The following RASGEF1C variants were observed in gnomAD, a reference collection of about 807,000 sequenced individuals.
RASGEF1C encodes the protein ras-GEF domain-containing family member 1C.
In RASGEF1C, 27 loss-of-function variants were observed where a neutral mutation model predicts 58.1. The ratio of observed to expected loss-of-function variants is 0.46; its 90% CI spans 0.34 to 0.64. The LOEUF (loss-of-function observed/expected upper bound fraction) is 0.64, where lower values mean the gene tolerates loss of function less well. Among genes scored for constraint, RASGEF1C ranks in the 30% least tolerant of loss-of-function variants. RASGEF1C has a pLI of 0.01. For missense variants in RASGEF1C, 502 were observed against 605.1 expected (o/e 0.83, Z 1.79); for synonymous variants, 243 against 246.3 (o/e 0.99, Z 0.13).
At chr5:180,118,583 C>G (rs773614037) in intron 10 of RASGEF1C, 26 bp downstream of exon 10, 3 of 1,578,748 alleles carry the variant, frequency 1.9e-6, no homozygotes, top group African/African-American at 1.4e-5. Context: ...CTGCAGCCCC[C>G]CTGGGCCAAC....
intron 5 of RASGEF1C, 51 bp from the exon 6 acceptor site, chr5:180,127,734 G>A: frequency 6.4e-7 from 1 of 1,562,498 alleles, no homozygotes; most frequent in Non-Finnish European, 8.7e-7. Context: ...TGGGGAGGGG[G>A]TGTCCACTGG....
intron 6 of RASGEF1C, among the ~76,000 whole-genome samples, chr5:180,124,127 G>A (rs1766217874): frequency 6.6e-6 from 1 of 152,016 alleles, no homozygotes; most frequent in Admixed American, 6.6e-5. Context: ...AAATACTCGG[G>A]AGGCTGAGGC....
chr5:180,115,662 T>A, intron 10 of RASGEF1C, among the ~76,000 whole-genome samples: 1 of 152,358 alleles, frequency 6.6e-6, no homozygotes, highest in African/African-American at 2.4e-5. Flanking sequence ...CTGGGCTATA[T>A]ACAGGGTTAC....
intron 1 of RASGEF1C, among the ~76,000 whole-genome samples, chr5:180,173,666 G>T (rs985332505): frequency 6.6e-6 from 1 of 151,878 alleles, no homozygotes; most frequent in Non-Finnish European, 1.5e-5. Flanking sequence ...TGTAGTCCCA[G>T]CACTTTGGGA....
intron 1 of RASGEF1C, among the ~76,000 whole-genome samples, chr5:180,196,763 A>G (rs1368169646): frequency 1.3e-5 from 2 of 152,114 alleles, no homozygotes; most frequent in East Asian, 3.9e-4. Flanking sequence ...TTGCTTGGTC[A>G]TGCTGGCGGG....
chr5:180,102,455 ACT>A (rs1246649126), intron 12 of RASGEF1C, among the ~76,000 whole-genome samples: 1 of 151,916 alleles, frequency 6.6e-6, no homozygotes, highest in African/African-American at 2.4e-5. Flanking sequence ...GGAATAAGAA[ACT>A]CTTTATCTAG....
intron 1 of RASGEF1C, among the ~76,000 whole-genome samples, chr5:180,142,473 C>T (rs1228775282): frequency 6.6e-6 from 1 of 152,086 alleles, no homozygotes; most frequent in Non-Finnish European, 1.5e-5. Flanking sequence ...GAAATGTATC[C>T]TGAGAAAATA....
At chr5:180,109,624 C>T (rs1765927793) in intron 12 of RASGEF1C, among the ~76,000 whole-genome samples, 2 of 151,940 alleles carry the variant, frequency 1.3e-5, no homozygotes, top group Non-Finnish European at 2.9e-5. Flanking sequence ...TATGTGGGGG[C>T]CCTAAATGCA....
At chr5:180,207,383 C>T (rs1331587322) in intron 1 of RASGEF1C, among the ~76,000 whole-genome samples, 3 of 152,230 alleles carry the variant, frequency 2.0e-5, no homozygotes, top group African/African-American at 7.2e-5. Context: ...GGCGAGTGCA[C>T]GCCCCACACT....
chr5:180,208,350 C>T (rs1425410121), intron 1 of RASGEF1C, among the ~76,000 whole-genome samples: 19 of 152,130 alleles, frequency 1.2e-4, no homozygotes, highest in Non-Finnish European at 2.5e-4. Flanking sequence ...CCCACAGTTT[C>T]CCACGCCCAC....
intron 10 of RASGEF1C, 33 bp from the exon 11 acceptor site, chr5:180,114,574 C>T (rs759083394): frequency 2.5e-5 from 40 of 1,587,042 alleles, no homozygotes; most frequent in East Asian, 1.6e-4. Flanking sequence ...CGGCCCCAGC[C>T]GGCCCTCCAC....
chr5:180,121,675 A>C (rs1409265261), intron 6 of RASGEF1C, among the ~76,000 whole-genome samples: 3 of 32,072 alleles, frequency 9.4e-5, no homozygotes, highest in African/African-American at 2.5e-4. Flanking sequence ...ACACACACAC[A>C]CACACACCCT....
At chr5:180,123,992 CTAAA>C (rs1766215892) in intron 6 of RASGEF1C, among the ~76,000 whole-genome samples, 1 of 151,892 alleles carries the variant, frequency 6.6e-6, no homozygotes, top group Non-Finnish European at 1.5e-5. Context: ...ACAAAACAGA[CTAAA>C]GAAGAAACAT....
intron 1 of RASGEF1C, among the ~76,000 whole-genome samples, chr5:180,150,404 C>G (rs1404018270): frequency 6.6e-6 from 1 of 152,030 alleles, no homozygotes; most frequent in Non-Finnish European, 1.5e-5. Flanking sequence ...CTTATTTTTC[C>G]TTCAAATGAT....
In RASGEF1C at chr5:180,202,849, C is replaced by T. The variant is rs1756418920; in HGVS notation, c.-7+6179G>A. 2.0e-5 allele frequency among the ~76,000 whole-genome samples: 3 copies of T among 152,034 alleles called. No individual in the cohort carries two copies. The South Asian group carries it at 6.3e-4, about 32-fold the overall frequency. On this transcript the variant is annotated intron_variant, in intron 1 of 13. Transcript: ENST00000361132. ...TCCCGACTAGCTGGGATTACAGGTG[C>T]CCGCCACCACGCCGGGCTAATTTTT... is the stretch of plus-strand genomic sequence containing the variant.
chr5:180,122,478 C>T (rs571139358), intron 6 of RASGEF1C, among the ~76,000 whole-genome samples: 11 of 152,156 alleles, frequency 7.2e-5, no homozygotes, highest in Middle Eastern at 3.4e-3. Flanking sequence ...CAGTGGCTCA[C>T]GCCTGTAATC....
At position 180,188,643 on chromosome 5, in the gene RASGEF1C, A is replaced by G. The variant is rs187024390; in HGVS notation, c.-7+20385T>C. Among the ~76,000 whole-genome samples, 247 of 152,308 alleles carry G rather than the reference A, an allele frequency of 1.6e-3. 1 individual carries two copies. The highest frequency in any genetic ancestry group is 3.0e-3 in the Non-Finnish European group (204 of 68,020). ...AATACTTTCTCCCTAAGATCAGGAA[A>G]AGGCAAGGTGATCCACTTTCTTTTC... On this transcript the variant is annotated intron_variant, in intron 1 of 13. Coordinates refer to ENST00000361132, the MANE Select transcript of RASGEF1C (RefSeq NM_175062.4).
chr5:180,192,887 G>A (rs1462612744), intron 1 of RASGEF1C, among the ~76,000 whole-genome samples: 3 of 150,350 alleles, frequency 2.0e-5, no homozygotes, highest in African/African-American at 7.3e-5. Flanking sequence ...TGGGACTACA[G>A]GTGCCCACCA....
chr5:180,205,637 CACA>C (rs1237706989), intron 1 of RASGEF1C, among the ~76,000 whole-genome samples: 1 of 152,150 alleles, frequency 6.6e-6, no homozygotes, highest in African/African-American at 2.4e-5. Context: ...CATGTTAAAA[CACA>C]ACAAGGAGAG....
Sources: allele counts gnomAD v4.1 joint callset (sites outside exome capture counted in the v4.1 genomes callset), GRCh38; gene constraint gnomAD v4.1.1; transcripts MANE v1.5; gene names NCBI Gene and HGNC (gene_info 2026-07-23, HGNC 2026-07-21).